The following BRDT variants were observed in gnomAD, a reference collection of about 807,000 sequenced individuals.
BRDT encodes the protein bromodomain testis-specific protein.
Under a neutral mutation model 113.9 loss-of-function variants are expected in BRDT, and 77 were observed. The observed-to-expected ratio is 0.68, with a 90% CI of 0.56 to 0.82. BRDT has a LOEUF of 0.82. Ranked by LOEUF, BRDT falls within the 40% of genes least tolerant of loss-of-function variation. The pLI, the probability that BRDT is intolerant of heterozygous loss-of-function variation, is 0.00. For synonymous variants in BRDT, 358 were observed against 366.5 expected (o/e 0.98, Z 0.26); for missense variants, 1,027 against 1,105.4 (o/e 0.93, Z 1.01).
chr1:91,979,868 C>A, intron 8 of BRDT, 111 bp downstream of exon 8: 1 of 925,632 alleles, frequency 1.1e-6, no homozygotes, highest in Non-Finnish European at 1.5e-6. Flanking sequence ...ATAACTGTGG[C>A]TTTATTTACT....
At chr1:92,013,175 G>A (rs1380038494) in intron 18 of BRDT, among the ~76,000 whole-genome samples, 1 of 146,742 alleles carries the variant, frequency 6.8e-6, no homozygotes, top group Non-Finnish European at 1.5e-5. Context: ...CTGAGATCAC[G>A]CCACTGCACT....
At chr1:92,004,384 G>T (rs1687106572) in intron 16 of BRDT, 30 bp from the exon 17 acceptor site, 1 of 1,547,396 alleles carries the variant, frequency 6.5e-7, no homozygotes, top group African/African-American at 1.4e-5. Flanking sequence ...AACATCTGTA[G>T]ACATAGACTG....
chr1:91,956,087 AGTT>A (rs977332627), intron 1 of BRDT, among the ~76,000 whole-genome samples: 5 of 152,178 alleles, frequency 3.3e-5, no homozygotes, highest in Non-Finnish European at 7.4e-5. Context: ...TGACTTCACA[AGTT>A]TTTTTGAGCA....
chr1:92,012,507 T>A (rs1445349994), intron 18 of BRDT, among the ~76,000 whole-genome samples: 4 of 152,204 alleles, frequency 2.6e-5, no homozygotes, highest in African/African-American at 7.2e-5. Flanking sequence ...CAGTATCACA[T>A]GATATTTAAA....
At chr1:92,002,363 TTTG>T (rs1188183368) in intron 16 of BRDT, among the ~76,000 whole-genome samples, 5 of 151,990 alleles carry the variant, frequency 3.3e-5, no homozygotes, top group African/African-American at 4.8e-5. Context: ...TTTGTGTTTT[TTTG>T]TTGTTGTTTT....
In BRDT at chr1:91,979,755, C is replaced by G. The variant is rs574128421; in HGVS notation, c.1285C>G (p.Gln429Glu). The change falls in exon 8 of 19, where the codon CAG becomes GAG. Residue 429 changes from glutamine to glutamate, a missense_variant and splice_region_variant. Gln to Glu is a conservative substitution (Grantham distance 29). Transcript: ENST00000399546. ...RVKRLAKLQE[Q>E]LKAVHQQLQV... ...TAAGCGTCTTGCAAAGCTTCAGGAG[C>G]AGGTAGTTGATTGTATTGATACAAA... 1 of 1,598,004 alleles carries G rather than the reference C, an allele frequency of 6.3e-7. No individual in the cohort carries two copies. Among genetic ancestry groups the G allele is most frequent in the African/African-American group, 1.4e-5 (1 of 74,010 alleles).
intron 18 of BRDT, 66 bp from the exon 19 acceptor site, chr1:92,014,140 A>G: frequency 1.9e-6 from 2 of 1,026,042 alleles, no homozygotes; most frequent in Non-Finnish European, 2.9e-6. Context: ...CATAATCATT[A>G]TTGTATAGTT....
At chr1:91,993,008 T>C (rs191699180) in intron 14 of BRDT, among the ~76,000 whole-genome samples, 33 of 152,344 alleles carry the variant, frequency 2.2e-4, no homozygotes, top group Middle Eastern at 3.4e-3. Flanking sequence ...CAAAATTTTT[T>C]CACTTTCACT....
chr1:91,992,223 G>T (rs1474704168), intron 13 of BRDT, 41 bp from the exon 14 acceptor site: 2 of 1,071,890 alleles, frequency 1.9e-6, no homozygotes, highest in Non-Finnish European at 2.6e-6. Flanking sequence ...ATGGTTAAGA[G>T]ATAATATGAT....
chr1:92,005,349 A>G, intron 18 of BRDT, 50 bp downstream of exon 18: 1 of 1,432,410 alleles, frequency 7.0e-7, no homozygotes, highest in Non-Finnish European at 9.2e-7. Context: ...GAAAGATTTA[A>G]CAGAGCACTG....
chr1:92,010,267 A>ATTTTTTTTTTTTTTTT (rs373305680), intron 18 of BRDT, among the ~76,000 whole-genome samples: 1 of 101,046 alleles, frequency 9.9e-6, no homozygotes, highest in Non-Finnish European at 1.9e-5. Flanking sequence ...TGCTCTTTTA[A>ATTTTTTTTTTTTTTTT]TTTTTTTTTT....
intron 3 of BRDT, 133 bp downstream of exon 3, chr1:91,964,897 G>C (rs556560764): frequency 6.3e-6 from 3 of 479,866 alleles, no homozygotes; most frequent in Non-Finnish European, 9.8e-6. Context: ...GTGTGTGTGT[G>C]TGTGTGTATA....
intron 12 of BRDT, among the ~76,000 whole-genome samples, chr1:91,985,001 T>C (rs1196682796): frequency 6.6e-6 from 1 of 152,152 alleles, no homozygotes; most frequent in African/African-American, 2.4e-5. Context: ...AAACTTGCAG[T>C]TGGATATCAT....
In BRDT at chr1:92,009,123, C is replaced by T. The variant is rs371469171; in HGVS notation, c.2775+3824C>T. Among the ~76,000 whole-genome samples, 5 of 152,156 alleles carry T rather than the reference C, an allele frequency of 3.3e-5. No homozygotes were observed. In the South Asian group the frequency reaches 1.0e-3, roughly 32 times the overall value. ...TAATATTTCCTATCTCTACCCCCAA[C>T]CTCTCCCCATATCCTAATAAACTAC... On this transcript the variant is annotated intron_variant, in intron 18 of 18. Coordinates refer to ENST00000399546, the MANE Select transcript of BRDT (RefSeq NM_207189.4).
At chr1:91,964,130 G>T (rs1682807576) in intron 2 of BRDT, among the ~76,000 whole-genome samples, 1 of 151,870 alleles carries the variant, frequency 6.6e-6, no homozygotes, top group Admixed American at 6.6e-5. Context: ...GCACAATCTT[G>T]GCTCACTGCA....
At chr1:91,979,026 CAA>C (rs1416677618) in intron 7 of BRDT, among the ~76,000 whole-genome samples, 1 of 138,400 alleles carries the variant, frequency 7.2e-6, no homozygotes, top group African/African-American at 2.6e-5. Flanking sequence ...ACAACAACAA[CAA>C]AAAAAACCCT....
At chr1:92,004,949 A>G (rs963975342) in intron 17 of BRDT, among the ~76,000 whole-genome samples, 170 bp from the exon 18 acceptor site, 1 of 152,204 alleles carries the variant, frequency 6.6e-6, no homozygotes, top group African/African-American at 2.4e-5. Context: ...ATTTGTTAAT[A>G]TGGATTAGCC....
chr1:91,986,571 CTT>C (rs902590386), intron 12 of BRDT, among the ~76,000 whole-genome samples: 5 of 152,118 alleles, frequency 3.3e-5, no homozygotes, highest in African/African-American at 1.2e-4. Context: ...ATCCTTTGGA[CTT>C]TTTGCATTTT....
At chr1:91,984,214 T>G (rs1684988186) in intron 12 of BRDT, among the ~76,000 whole-genome samples, 1 of 151,868 alleles carries the variant, frequency 6.6e-6, no homozygotes, top group Admixed American at 6.6e-5. Flanking sequence ...TTGTCCTAAT[T>G]TTTTTTTGCC....
Sources: allele counts gnomAD v4.1 joint callset (sites outside exome capture counted in the v4.1 genomes callset), GRCh38; gene constraint gnomAD v4.1.1; transcripts MANE v1.5; gene names NCBI Gene and HGNC (gene_info 2026-07-23, HGNC 2026-07-21).